Variants in STK32B observed in about 807,000 individuals in gnomAD.
STK32B encodes serine/threonine kinase 32B.
A neutral mutation model predicts 52.6 loss-of-function variants in STK32B; 43 were observed. The ratio of observed to expected loss-of-function variants is 0.82; its 90% CI spans 0.64 to 1.05. The LOEUF is 1.05. Among genes scored for constraint, STK32B ranks in the 50% least tolerant of loss-of-function variants. STK32B has a pLI of 0.00. For synonymous variants in STK32B, 238 were observed against 204.3 expected (o/e 1.17, Z -1.41); for missense variants, 621 against 534.6 (o/e 1.16, Z -1.59).
intron 1 of STK32B, among the ~76,000 whole-genome samples, chr4:5,086,129 G>A (rs1355157916): frequency 6.6e-6 from 1 of 152,154 alleles, no homozygotes; most frequent in Non-Finnish European, 1.5e-5. Flanking sequence ...GGGAAATAGG[G>A]CTCAAAAGCT....
intron 3 of STK32B, among the ~76,000 whole-genome samples, chr4:5,315,715 A>G (rs1448236418): frequency 1.4e-5 from 2 of 142,860 alleles, no homozygotes; most frequent in Admixed American, 1.5e-4. Flanking sequence ...AGTTTCACCC[A>G]GACTCCAGTT....
chr4:5,223,479 C>T (rs1018337186), intron 3 of STK32B, among the ~76,000 whole-genome samples: 1 of 152,076 alleles, frequency 6.6e-6, no homozygotes, highest in Non-Finnish European at 1.5e-5. Flanking sequence ...GGTGGGGTCC[C>T]CTGCAGCCAG....
intron 3 of STK32B, among the ~76,000 whole-genome samples, chr4:5,227,368 G>A (rs1183876824): frequency 6.6e-6 from 1 of 152,162 alleles, no homozygotes; most frequent in African/African-American, 2.4e-5. Flanking sequence ...TTGAAAAATA[G>A]TCACTGACTT....
At position 5,058,430 on chromosome 4, in the gene STK32B, T is replaced by A. The variant is rs1304886299; in HGVS notation, c.52+6515T>A. On this transcript the variant is annotated intron_variant, in intron 1 of 11. Transcript: ENST00000282908. The surrounding 1 kb of genome is among the most constrained non-coding windows in gnomAD (Gnocchi z 4.8). ...CTCCATCTTGGAGCAACCACAGTGA[T>A]CTACATGGTGGAACTTATTTCAGTC... Among the ~76,000 whole-genome samples, 2 of 152,224 alleles carry A rather than the reference T, an allele frequency of 1.3e-5. No homozygotes were observed. The highest frequency in any genetic ancestry group is 4.8e-5 in the African/African-American group (2 of 41,448).
intron 1 of STK32B, among the ~76,000 whole-genome samples, chr4:5,055,741 C>T (rs1236847813): frequency 6.6e-6 from 1 of 152,108 alleles, no homozygotes; most frequent in African/African-American, 2.4e-5. Flanking sequence ...GCCCCTCTTG[C>T]CCGAGGGCAT....
chr4:5,057,061 T>G (rs1742035382), intron 1 of STK32B, among the ~76,000 whole-genome samples: 1 of 152,226 alleles, frequency 6.6e-6, no homozygotes. Flanking sequence ...CTTAGTTGTT[T>G]TCCACCTTTG....
intron 3 of STK32B, among the ~76,000 whole-genome samples, chr4:5,190,803 A>G (rs1391807094): frequency 6.6e-6 from 1 of 152,054 alleles, no homozygotes; most frequent in African/African-American, 2.4e-5. Context: ...GGGTTTTGTG[A>G]CATTGGACAC....
At chr4:5,437,298 G>C (rs1278747459) in intron 6 of STK32B, among the ~76,000 whole-genome samples, 1 of 152,246 alleles carries the variant, frequency 6.6e-6, no homozygotes, top group African/African-American at 2.4e-5. Flanking sequence ...AGTTGTGGAG[G>C]CTGAAAGTCC....
At chr4:5,267,964 G>A (rs1727161882) in intron 3 of STK32B, among the ~76,000 whole-genome samples, 2 of 152,270 alleles carry the variant, frequency 1.3e-5, no homozygotes, top group South Asian at 2.1e-4. Context: ...GCTTGCCAGC[G>A]ATGCTTGGGG....
rs550243123 is a variant in STK32B, at chr4:5,140,133, C to T, written c.108+173C>T. 50 of 1,418,644 alleles carry T rather than the reference C, an allele frequency of 3.5e-5. No individual in the cohort carries two copies. In the South Asian group the frequency reaches 6.0e-4, roughly 17 times the overall value. The allele number at this position is 1,418,644 out of a possible 1,614,324, so 87.9% of individuals were successfully genotyped here. A position where few individuals can be genotyped will look rare whatever the true frequency, so the allele number is the denominator to read the frequency against. ...TTTCCTTGCGATCTGGTGTAATTTTCTTCTGGAAATTAAATTACCACAACA... is the reference window on the plus strand; with the variant it reads ...TTTCCTTGCGATCTGGTGTAATTTTTTTCTGGAAATTAAATTACCACAACA... On this transcript the variant is annotated intron_variant, in intron 2 of 11. Transcript: ENST00000282908.
intron 4 of STK32B, among the ~76,000 whole-genome samples, chr4:5,341,264 G>A (rs1232673743): frequency 2.0e-5 from 3 of 152,140 alleles, no homozygotes; most frequent in South Asian, 2.1e-4. Context: ...CAGCTAGTTA[G>A]CAGTGGAAAT....
chr4:5,113,860 G>C (rs370239860), intron 1 of STK32B, among the ~76,000 whole-genome samples: 1 of 152,136 alleles, frequency 6.6e-6, no homozygotes, highest in African/African-American at 2.4e-5. Context: ...AAGGCAAGGA[G>C]GACCGAATCA....
At chr4:5,082,801 T>C (rs1409692584) in intron 1 of STK32B, among the ~76,000 whole-genome samples, 1 of 152,204 alleles carries the variant, frequency 6.6e-6, no homozygotes. Context: ...GTCTTAACTT[T>C]GAGTGAGAAC....
chr4:5,170,226 C>A (rs939850148), intron 3 of STK32B, among the ~76,000 whole-genome samples: 1 of 152,104 alleles, frequency 6.6e-6, no homozygotes, highest in East Asian at 1.9e-4. Context: ...AGATCAGATG[C>A]CTAGTGGAGC....
intron 11 of STK32B, among the ~76,000 whole-genome samples, chr4:5,495,669 C>T (rs1011358771): frequency 2.0e-5 from 3 of 152,102 alleles, no homozygotes; most frequent in Non-Finnish European, 2.9e-5. Flanking sequence ...TTAGAGTTTC[C>T]AGTTTTTCTG....
chr4:5,049,458 G>A (rs900261064), upstream of STK32B, among the ~76,000 whole-genome samples: 1 of 152,182 alleles, frequency 6.6e-6, no homozygotes, highest in African/African-American at 2.4e-5. Context: ...AAGAGAGTCA[G>A]CGAAGAGAGA....
intron 2 of STK32B, among the ~76,000 whole-genome samples, chr4:5,161,033 G>A (rs1008926236): frequency 2.0e-5 from 3 of 152,214 alleles, no homozygotes; most frequent in Admixed American, 6.5e-5. Flanking sequence ...TAGGGCCTGG[G>A]GATCCACAGT....
At chr4:5,353,552 A>T (rs975181825) in intron 4 of STK32B, among the ~76,000 whole-genome samples, 4 of 151,894 alleles carry the variant, frequency 2.6e-5, no homozygotes, top group East Asian at 1.9e-4. Flanking sequence ...AGTAAAAAAA[A>T]AAAATAAAAA....
At chr4:5,484,755 G>C (rs199585650) in intron 11 of STK32B, among the ~76,000 whole-genome samples, 10 of 152,196 alleles carry the variant, frequency 6.6e-5, no homozygotes, top group South Asian at 2.1e-4. Flanking sequence ...TTTAGTGCTT[G>C]CTTCAGGAGC....
Sources: allele counts gnomAD v4.1 joint callset (sites outside exome capture counted in the v4.1 genomes callset), GRCh38; gene constraint gnomAD v4.1.1; non-coding constraint Gnocchi (gnomAD v3.1); transcripts MANE v1.5; gene names NCBI Gene and HGNC (gene_info 2026-07-23, HGNC 2026-07-21).